SLC26A7: variants seen among roughly 807,000 people sequenced by gnomAD.
SLC26A7 encodes solute carrier family 26 member 7.
SLC26A7 carries 59 observed loss-of-function variants against 82.5 expected under a neutral mutation model. The observed-to-expected ratio is 0.72, with a 90% CI of 0.58 to 0.89. SLC26A7 has a LOEUF of 0.89. SLC26A7 is among the 40% of genes least tolerant of loss of function. SLC26A7 has a pLI of 0.00. For missense variants in SLC26A7, 820 were observed against 793.0 expected (o/e 1.03, Z -0.41); for synonymous variants, 271 against 274.3 (o/e 0.99, Z 0.12).
intron 15 of SLC26A7, among the ~76,000 whole-genome samples, chr8:91,377,925 G>C (rs536468522): frequency 7.6e-4 from 116 of 151,950 alleles, no homozygotes; most frequent in African/African-American, 2.5e-3. Flanking sequence ...AAACTTTGAC[G>C]TAGTTTTTGA....
At chr8:91,346,716 G>A (rs941410848) in intron 9 of SLC26A7, among the ~76,000 whole-genome samples, 11 of 152,138 alleles carry the variant, frequency 7.2e-5, no homozygotes, top group Non-Finnish European at 1.2e-4. Context: ...AAGGCTTTGC[G>A]TGGGTCTTAG....
chr8:91,386,510 ATT>A (rs1389526738), intron 15 of SLC26A7, among the ~76,000 whole-genome samples: 2 of 152,200 alleles, frequency 1.3e-5, no homozygotes, highest in African/African-American at 2.4e-5. Context: ...TTGTGTCATC[ATT>A]GTTATTTTAA....
intron 2 of SLC26A7, among the ~76,000 whole-genome samples, chr8:91,279,929 T>C (rs535616570): frequency 6.6e-6 from 1 of 152,186 alleles, no homozygotes; most frequent in Admixed American, 6.5e-5. Context: ...ATTCATGTCC[T>C]TTGCCCATTT....
At chr8:91,224,165 T>C (rs981889166) in intron 2 of SLC26A7, among the ~76,000 whole-genome samples, 3 of 152,186 alleles carry the variant, frequency 2.0e-5, no homozygotes, top group Admixed American at 6.5e-5. Flanking sequence ...ACCCATCTTC[T>C]GAAGTCTACT....
intron 2 of SLC26A7, among the ~76,000 whole-genome samples, chr8:91,228,258 C>T (rs903589041): frequency 2.6e-5 from 4 of 152,270 alleles, no homozygotes; most frequent in South Asian, 2.1e-4. Flanking sequence ...ATGGTTAATA[C>T]GACAGCACGG....
At chr8:91,312,938 G>C (rs1036800914) in intron 4 of SLC26A7, among the ~76,000 whole-genome samples, 25 of 151,902 alleles carry the variant, frequency 1.6e-4, no homozygotes, top group Non-Finnish European at 2.5e-4. Context: ...CCATTTTGTG[G>C]GTTTCTGTTT....
At chr8:91,380,102 T>A (rs914534253) in intron 15 of SLC26A7, among the ~76,000 whole-genome samples, 1 of 151,338 alleles carries the variant, frequency 6.6e-6, no homozygotes, top group Non-Finnish European at 1.5e-5. Context: ...TAAATAACTC[T>A]ATATGTATGA....
intron 1 of SLC26A7, among the ~76,000 whole-genome samples, chr8:91,217,832 G>A (rs1294530633): frequency 6.6e-6 from 1 of 152,140 alleles, no homozygotes; most frequent in Non-Finnish European, 1.5e-5. Flanking sequence ...CAGGTTTGTA[G>A]ATATTCTATA....
At chr8:91,284,660 T>C (rs897923635) in intron 2 of SLC26A7, among the ~76,000 whole-genome samples, 1 of 152,194 alleles carries the variant, frequency 6.6e-6, no homozygotes, top group Non-Finnish European at 1.5e-5. Flanking sequence ...GATGAAACTT[T>C]AACTCTTACA....
At chr8:91,277,337 G>C (rs1211771881) in intron 2 of SLC26A7, among the ~76,000 whole-genome samples, 3 of 152,094 alleles carry the variant, frequency 2.0e-5, no homozygotes, top group Admixed American at 2.0e-4. Flanking sequence ...ACTGCTATTT[G>C]TATGCTCATT....
At chr8:91,212,764 G>A (rs1012763888) in intron 1 of SLC26A7, among the ~76,000 whole-genome samples, 2 of 152,138 alleles carry the variant, frequency 1.3e-5, no homozygotes, top group South Asian at 2.1e-4. Flanking sequence ...TAGGTACTAA[G>A]AGGATCAGAA....
At chr8:91,329,880 C>T (rs1324734914) in intron 5 of SLC26A7, among the ~76,000 whole-genome samples, 1 of 152,044 alleles carries the variant, frequency 6.6e-6, no homozygotes, top group Non-Finnish European at 1.5e-5. Flanking sequence ...GGATTTTTAT[C>T]CTGGGATTGA....
At chr8:91,298,508 C>A (rs541690402) in intron 4 of SLC26A7, among the ~76,000 whole-genome samples, 16 of 152,052 alleles carry the variant, frequency 1.1e-4, no homozygotes, top group African/African-American at 3.9e-4. Flanking sequence ...GAACAAAGTT[C>A]TTGAGGGTAT....
At chr8:91,322,385 G>C (rs1455245463) in intron 5 of SLC26A7, among the ~76,000 whole-genome samples, 1 of 151,930 alleles carries the variant, frequency 6.6e-6, no homozygotes, top group East Asian at 1.9e-4. Context: ...ATGTTATAAG[G>C]GTCACTTGTG....
upstream of SLC26A7, among the ~76,000 whole-genome samples, chr8:91,246,458 T>C (rs1031036035): frequency 6.6e-6 from 1 of 151,900 alleles, no homozygotes; most frequent in Non-Finnish European, 1.5e-5. Flanking sequence ...ACAGCATAAA[T>C]AAAATTGTGG....
chr8:91,355,869 C>T (rs184669447), intron 11 of SLC26A7, among the ~76,000 whole-genome samples: 2 of 152,130 alleles, frequency 1.3e-5, no homozygotes, highest in Admixed American at 6.5e-5. Context: ...AAATGCTATC[C>T]CTCCCCTCTC....
chr8:91,387,220 C>G (rs976014602), intron 15 of SLC26A7, among the ~76,000 whole-genome samples: 1 of 152,224 alleles, frequency 6.6e-6, no homozygotes, highest in East Asian at 1.9e-4. Flanking sequence ...ACTTTCCTAT[C>G]TGTGATAATA....
At chr8:91,273,773 C>CT (rs1289303625) in intron 2 of SLC26A7, among the ~76,000 whole-genome samples, 1 of 152,126 alleles carries the variant, frequency 6.6e-6, no homozygotes. Context: ...TCCGATAACA[C>CT]TTTTTTGTGA....
intron 9 of SLC26A7, 142 bp downstream of exon 9, chr8:91,343,608 CCTT>C (rs1258021529): frequency 1.1e-5 from 6 of 566,840 alleles, no homozygotes; most frequent in Non-Finnish European, 1.8e-5. Context: ...TTAAGAAAGT[CCTT>C]CTCTCTCTCA....
Sources: gnomAD v4.1 joint callset for allele counts (sites outside exome capture counted in the v4.1 genomes callset) on GRCh38, gnomAD v4.1.1 for gene constraint, MANE v1.5 for transcripts, NCBI Gene and HGNC (gene_info 2026-07-23, HGNC 2026-07-21) for gene names.